Variants in OTOGL observed in about 807,000 individuals in gnomAD.
OTOGL encodes otogelin-like protein.
OTOGL carries 285 observed loss-of-function variants against 318.5 expected under a neutral mutation model. The observed-to-expected ratio is 0.89, with a 90% CI of 0.81 to 0.99. The LOEUF is 0.99. Ranked by LOEUF, OTOGL falls within the 50% of genes least tolerant of loss-of-function variation. The pLI, the probability that OTOGL is intolerant of heterozygous loss-of-function variation, is 0.00. For missense variants in OTOGL, 2,899 were observed against 2,845.6 expected (o/e 1.02, Z -0.43); for synonymous variants, 987 against 936.5 (o/e 1.05, Z -0.99).
At chr12:80,340,684 G>A (rs1275492417) in intron 43 of OTOGL, among the ~76,000 whole-genome samples, 1 of 152,068 alleles carries the variant, frequency 6.6e-6, no homozygotes, top group Non-Finnish European at 1.5e-5. Flanking sequence ...TCATTAAAGG[G>A]AAATCTGGGT....
At chr12:80,326,736 G>A (rs1463808456) in intron 35 of OTOGL, among the ~76,000 whole-genome samples, 5 of 152,104 alleles carry the variant, frequency 3.3e-5, no homozygotes, top group Non-Finnish European at 7.4e-5. Context: ...TATAAGCTAA[G>A]TTGTTTATGT....
At chr12:80,126,445 G>C (rs1870843320) in intron 1 of OTOGL, among the ~76,000 whole-genome samples, 1 of 152,160 alleles carries the variant, frequency 6.6e-6, no homozygotes, top group Non-Finnish European at 1.5e-5. Flanking sequence ...TTGCTGAGGA[G>C]TGCTTTACTT....
intron 9 of OTOGL, among the ~76,000 whole-genome samples, chr12:80,234,129 G>A (rs1228889793): frequency 1.3e-5 from 2 of 152,028 alleles, no homozygotes; most frequent in African/African-American, 4.8e-5. Context: ...ATGTTGCCCA[G>A]GCTGGTCTTG....
In OTOGL at chr12:80,336,399, C is replaced by T; in HGVS notation, c.4601-14C>T. On this transcript the variant is annotated splice_polypyrimidine_tract_variant and intron_variant, in intron 39 of 58. Transcript: ENST00000547103. ...TAGTTAATAGACTAAATCCACTTTC[C>T]ACCATTTTTATAGGTCGGTGTTCCA... 1.3e-6 allele frequency: 2 copies of T among 1,570,522 alleles called. No individual in the cohort carries two copies. The highest frequency in any genetic ancestry group is 1.7e-6 in the Non-Finnish European group (2 of 1,161,912).
chr12:80,222,140 G>C lies in OTOGL; in HGVS notation c.384G>C (p.Gln128His). 6.3e-7 allele frequency: 1 copy of C among 1,598,398 alleles called. No individual in the cohort carries two copies. Residue 128 changes from glutamine to histidine, a missense_variant, in exon 7 of 59, where the codon CAG becomes CAC. Around this residue, in one of 3 missense-constraint regions of OTOGL, gnomAD observed 2,607 missense variants for 2,524.9 expected, o/e 1.03. Transcript: ENST00000547103. ...ATGGGATTTGTAAAACCTGGGGACA[G>C]TATCATTTTGAAACATTCGATGGCA... ...GRDGICKTWG[Q>H]YHFETFDGIY...
chr12:80,374,404 C>T (rs1411568883), intron 57 of OTOGL, among the ~76,000 whole-genome samples: 3 of 152,054 alleles, frequency 2.0e-5, no homozygotes, highest in South Asian at 2.1e-4. Flanking sequence ...CACAATTCAA[C>T]CCATGATAAT....
intron 1 of OTOGL, among the ~76,000 whole-genome samples, chr12:80,161,365 C>G (rs988186584): frequency 2.0e-5 from 3 of 151,896 alleles, no homozygotes; most frequent in African/African-American, 7.3e-5. Context: ...AAAAAATTAC[C>G]TAATGTTGAA....
intron 29 of OTOGL, among the ~76,000 whole-genome samples, chr12:80,308,610 G>A (rs1260751658): frequency 6.6e-6 from 1 of 152,182 alleles, no homozygotes; most frequent in Admixed American, 6.5e-5. Flanking sequence ...GGAGGCCAAG[G>A]CAGGCTGCTG....
At chr12:80,170,241 ATGTG>A (rs1396320124) in intron 1 of OTOGL, among the ~76,000 whole-genome samples, 3 of 124,990 alleles carry the variant, frequency 2.4e-5, no homozygotes, top group Admixed American at 1.5e-4. Context: ...GTATGTATGT[ATGTG>A]TGTGTGTATG....
At chr12:80,256,013 T>C (rs1882002491) in intron 16 of OTOGL, among the ~76,000 whole-genome samples, 1 of 151,028 alleles carries the variant, frequency 6.6e-6, no homozygotes, top group African/African-American at 2.5e-5. Flanking sequence ...ATGGAAAACA[T>C]AACTATTGGT....
chr12:80,238,115 G>A (rs1253534911), intron 9 of OTOGL, among the ~76,000 whole-genome samples: 1 of 152,146 alleles, frequency 6.6e-6, no homozygotes, highest in East Asian at 1.9e-4. Context: ...AGAACAGAGA[G>A]CACTCTGTTG....
At chr12:80,172,233 T>C (rs1294289102) in intron 1 of OTOGL, among the ~76,000 whole-genome samples, 1 of 152,118 alleles carries the variant, frequency 6.6e-6, no homozygotes, top group Non-Finnish European at 1.5e-5. Flanking sequence ...AGTCTGACCC[T>C]CCTCAAATGT....
chr12:80,206,721 A>G (rs1289097021), intron 1 of OTOGL, among the ~76,000 whole-genome samples: 8 of 149,318 alleles, frequency 5.4e-5, no homozygotes, highest in Non-Finnish European at 1.0e-4. Flanking sequence ...GAGTTTCATC[A>G]TGTTGTCCAG....
chr12:80,251,775 T>A lies in OTOGL; in HGVS notation c.1135T>A (p.Trp379Arg). The A allele has an allele frequency of 6.3e-7, 1 of 1,585,460 alleles. No individual in the cohort carries two copies. The highest frequency in any genetic ancestry group is 1.2e-5 in the South Asian group (1 of 86,506). ...TCATGCTGGCTACCCTATTCAAGACTGGAGAGATGACTTTCCAGCATGCAG... is the reference window on the plus strand; with the variant it reads ...TCATGCTGGCTACCCTATTCAAGACAGGAGAGATGACTTTCCAGCATGCAG... The part of the protein sequence containing the change: ...CSHAGYPIQD[W>R]RDDFPACTDK... The change falls in exon 12 of 59, where the codon TGG (tryptophan) becomes AGG (arginine). Residue 379 changes from tryptophan (W) to arginine (R), a missense_variant. Around this residue, in one of 3 missense-constraint regions of OTOGL, gnomAD observed 2,607 missense variants for 2,524.9 expected, o/e 1.03. Transcript: ENST00000547103.
intron 36 of OTOGL, 104 bp from the exon 37 acceptor site, chr12:80,328,947 T>C (rs186611640): frequency 8.4e-7 from 1 of 1,193,158 alleles, no homozygotes; most frequent in African/African-American, 1.6e-5. Context: ...CTGCATTCTT[T>C]TTCCCAAAAC....
At chr12:80,262,124 T>A (rs1322501918) in intron 19 of OTOGL, 31 bp downstream of exon 19, 1 of 1,588,878 alleles carries the variant, frequency 6.3e-7, no homozygotes, top group Non-Finnish European at 8.6e-7. Context: ...TCCTTTCTGC[T>A]GTAAACTTAG....
intron 1 of OTOGL, chr12:80,131,869 G>A (rs1254976995): frequency 6.6e-6 from 1 of 152,130 alleles, no homozygotes; most frequent in Non-Finnish European, 1.5e-5. Context: ...AGTATAGAGT[G>A]GGAACTCAAA....
intron 27 of OTOGL, among the ~76,000 whole-genome samples, chr12:80,299,981 G>A (rs912499617): frequency 6.6e-6 from 1 of 152,138 alleles, no homozygotes; most frequent in Non-Finnish European, 1.5e-5. Flanking sequence ...TAGAAAAGAT[G>A]TGCTTTTGTA....
At chr12:80,355,980 T>G (rs1889874589) in intron 47 of OTOGL, 32 bp downstream of exon 47, 2 of 1,580,974 alleles carry the variant, frequency 1.3e-6, no homozygotes, top group Non-Finnish European at 1.7e-6. Flanking sequence ...AGTCAATTGA[T>G]TCCACAAAAT....
Sources: gnomAD v4.1 joint callset for allele counts (sites outside exome capture counted in the v4.1 genomes callset) on GRCh38, gnomAD v4.1.1 for gene constraint, gnomAD v4.1.1 regional missense constraint, MANE v1.5 for transcripts, NCBI Gene and HGNC (gene_info 2026-07-23, HGNC 2026-07-21) for gene names.